The following DRC8 variants were observed in gnomAD, a reference collection of about 807,000 sequenced individuals.
DRC8 encodes dynein regulatory complex protein 8.
chr1:245,084,324 C>T, the DRC8 span, among the ~76,000 whole-genome samples: 4 of 152,056 alleles, frequency 2.6e-5, no homozygotes, highest in Non-Finnish European at 4.4e-5. Flanking sequence ...TCAGGTGATC[C>T]ACCCATCTTG....
the DRC8 span, chr1:245,087,462 A>G: frequency 7.0e-7 from 1 of 1,432,420 alleles, no homozygotes; most frequent in Non-Finnish European, 9.1e-7. Flanking sequence ...GATATTTAAT[A>G]CCTTGTGACA....
chr1:245,120,858 A>G, the DRC8 span, among the ~76,000 whole-genome samples: 3 of 152,248 alleles, frequency 2.0e-5, no homozygotes, highest in African/African-American at 7.2e-5. Flanking sequence ...GTTAAAAGCA[A>G]TGTTAGGTTT....
the DRC8 span, among the ~76,000 whole-genome samples, chr1:245,032,635 A>C: frequency 6.6e-6 from 1 of 152,154 alleles, no homozygotes; most frequent in African/African-American, 2.4e-5. Context: ...TTATTATTTG[A>C]GTTCTGTAAC....
the DRC8 span, chr1:244,970,186 GT>G: frequency 7.0e-6 from 5 of 717,464 alleles, no homozygotes; most frequent in East Asian, 5.6e-5. Flanking sequence ...CGGGGGCCGG[GT>G]GGCAGACGGG....
chr1:245,071,945 G>A, the DRC8 span, among the ~76,000 whole-genome samples: 3,450 of 152,228 alleles, frequency 0.023, 130 homozygotes, highest in African/African-American at 0.077. Context: ...CCAAAGCACC[G>A]ACAACAACAA....
At chr1:245,113,268 T>A in the DRC8 span, among the ~76,000 whole-genome samples, 1 of 152,180 alleles carries the variant, frequency 6.6e-6, no homozygotes, top group Non-Finnish European at 1.5e-5. Flanking sequence ...GTTATGAGGT[T>A]CCCAGGCGCT....
chr1:244,999,242 C>G, the DRC8 span, among the ~76,000 whole-genome samples: 1 of 148,528 alleles, frequency 6.7e-6, no homozygotes, highest in Admixed American at 6.7e-5. Flanking sequence ...AAAAAAAAAG[C>G]CTCCTGATCC....
chr1:245,059,421 G>A, the DRC8 span: 1 of 1,612,430 alleles, frequency 6.2e-7, no homozygotes, highest in Middle Eastern at 1.6e-4. Flanking sequence ...TTAGGATGCT[G>A]TCCTACGGAA....
the DRC8 span, among the ~76,000 whole-genome samples, chr1:245,000,813 A>G: frequency 6.6e-6 from 1 of 152,058 alleles, no homozygotes; most frequent in South Asian, 2.1e-4. Context: ...TCAGTGTCTA[A>G]TACCTAAGAG....
At chr1:245,076,931 T>A in the DRC8 span, among the ~76,000 whole-genome samples, 1 of 152,272 alleles carries the variant, frequency 6.6e-6, no homozygotes, top group African/African-American at 2.4e-5. Context: ...TTCGCCGTGT[T>A]GGCCAGGATG....
the DRC8 span, among the ~76,000 whole-genome samples, chr1:245,065,752 G>A: frequency 5.3e-5 from 8 of 151,860 alleles, no homozygotes; most frequent in Non-Finnish European, 1.0e-4. Context: ...CACCCGCATC[G>A]GAGTGTTGGG....
chr1:245,007,696 A>C, the DRC8 span, among the ~76,000 whole-genome samples: 2 of 152,182 alleles, frequency 1.3e-5, no homozygotes, highest in African/African-American at 4.8e-5. Context: ...GCTGGCAAAA[A>C]ATATGGCAGA....
At chr1:245,069,859 T>C in the DRC8 span, among the ~76,000 whole-genome samples, 2 of 151,812 alleles carry the variant, frequency 1.3e-5, no homozygotes, top group African/African-American at 2.4e-5. Context: ...CTGGGCAACA[T>C]TGTGAGACCC....
chr1:245,005,863 C>T, the DRC8 span, among the ~76,000 whole-genome samples: 1 of 152,148 alleles, frequency 6.6e-6, no homozygotes, highest in South Asian at 2.1e-4. Flanking sequence ...ACGTGAGTGA[C>T]GAATGGGAGA....
the DRC8 span, among the ~76,000 whole-genome samples, chr1:245,001,701 A>C: frequency 4.6e-5 from 7 of 152,222 alleles, no homozygotes; most frequent in Non-Finnish European, 8.8e-5. Flanking sequence ...CCACTTTAGC[A>C]ACAGTGTGAA....
the DRC8 span, among the ~76,000 whole-genome samples, chr1:245,029,815 C>T: frequency 1.3e-5 from 2 of 151,626 alleles, no homozygotes; most frequent in Non-Finnish European, 2.9e-5. Context: ...AGGCTGGTCT[C>T]GAACTCCTGG....
At chr1:244,971,885 G>T in the DRC8 span, among the ~76,000 whole-genome samples, 2 of 146,526 alleles carry the variant, frequency 1.4e-5, no homozygotes, top group African/African-American at 2.5e-5. Flanking sequence ...TTACGAAGAT[G>T]CCCTTACATA....
At chr1:245,100,414 T>TAATAATAA in the DRC8 span, among the ~76,000 whole-genome samples, 1 of 151,072 alleles carries the variant, frequency 6.6e-6, no homozygotes, top group African/African-American at 2.4e-5. Context: ...ATAATAATAA[T>TAATAATAA]TGTTTAATGT....
chr1:245,010,464 G>A, the DRC8 span, among the ~76,000 whole-genome samples: 29 of 152,274 alleles, frequency 1.9e-4, no homozygotes, highest in Admixed American at 1.9e-3. Flanking sequence ...AGCAGTGGGT[G>A]CCTGATGGCA....
Sources: allele counts gnomAD v4.1 joint callset (sites outside exome capture counted in the v4.1 genomes callset), GRCh38; gene constraint gnomAD v4.1.1; transcripts MANE v1.5; gene names NCBI Gene and HGNC (gene_info 2026-07-23, HGNC 2026-07-21).